The following HHAT variants were observed in gnomAD, a reference collection of about 807,000 sequenced individuals.
The protein encoded by HHAT is protein-cysteine N-palmitoyltransferase HHAT.
A neutral mutation model predicts 70.8 loss-of-function variants in HHAT; 47 were observed. That is an observed-to-expected ratio of 0.66 (90% CI 0.53 to 0.85). HHAT has a LOEUF of 0.85. Ranked by LOEUF, HHAT falls within the 40% of genes least tolerant of loss-of-function variation. The pLI, the probability that HHAT is intolerant of heterozygous loss-of-function variation, is 0.00. For synonymous variants in HHAT, 228 were observed against 247.6 expected, an observed-to-expected ratio of 0.92 and a Z score of 0.74; for missense variants, 609 against 604.8, an observed-to-expected ratio of 1.01 and a Z score of -0.07.
At chr1:210,421,289 A>G (rs2092895968) in intron 7 of HHAT, among the ~76,000 whole-genome samples, 1 of 152,190 alleles carries the variant, frequency 6.6e-6, no homozygotes, top group Non-Finnish European at 1.5e-5. Flanking sequence ...AAACAGGCAC[A>G]TAGATCAATA....
At position 210,328,939 on chromosome 1, in the gene HHAT, T is replaced by G. The variant is rs896117933; in HGVS notation, c.-209T>G. 92 of 1,116,464 alleles carry G rather than the reference T, an allele frequency of 8.2e-5. No homozygotes were observed. Among genetic ancestry groups the G allele is most frequent in the Non-Finnish European group, 1.0e-4 (90 of 871,830 alleles). 69.2% of individuals were successfully genotyped at this position (1,116,464 alleles called of 1,614,324 possible). A position where few individuals can be genotyped will look rare whatever the true frequency, so the allele number is the denominator to read the frequency against. Reference sequence around the variant, plus strand: ...AGGGGCGTGCTCGGAGGACGCGCGCTGCGCTGCTCCTCCAAAGGGCAGCTC... The same window carrying G: ...AGGGGCGTGCTCGGAGGACGCGCGCGGCGCTGCTCCTCCAAAGGGCAGCTC... On this transcript the variant is annotated 5_prime_UTR_variant, in exon 1 of 12. Transcript: ENST00000261458.
chr1:210,360,314 T>TTG (rs2088143925), intron 2 of HHAT, among the ~76,000 whole-genome samples: 2 of 151,314 alleles, frequency 1.3e-5, no homozygotes, highest in African/African-American at 4.9e-5. Context: ...GTTTTTTTTT[T>TTG]TTTGTTTTGT....
chr1:210,531,976 G>T (rs1449432148), intron 9 of HHAT, among the ~76,000 whole-genome samples: 1 of 152,194 alleles, frequency 6.6e-6, no homozygotes, highest in African/African-American at 2.4e-5. Context: ...CCAGGGGGAA[G>T]GTCCGACCTT....
intron 7 of HHAT, among the ~76,000 whole-genome samples, chr1:210,455,924 T>C (rs543305307): frequency 1.3e-5 from 2 of 152,290 alleles, no homozygotes; most frequent in African/African-American, 4.8e-5. Context: ...ATAAGGCCCA[T>C]GAGAGACGAG....
intron 8 of HHAT, among the ~76,000 whole-genome samples, chr1:210,483,526 C>A (rs2094430177): frequency 6.6e-6 from 1 of 152,130 alleles, no homozygotes; most frequent in Non-Finnish European, 1.5e-5. Flanking sequence ...CCAGCAGTTT[C>A]TTCCAGCTTT....
At chr1:210,342,374 ATCT>A (rs1430426590) in intron 1 of HHAT, among the ~76,000 whole-genome samples, 3 of 152,168 alleles carry the variant, frequency 2.0e-5, no homozygotes, top group African/African-American at 7.2e-5. Flanking sequence ...TCCACACTTT[ATCT>A]TCTTTACAGT....
At chr1:210,498,304 G>A (rs921541928) in intron 8 of HHAT, among the ~76,000 whole-genome samples, 10 of 152,246 alleles carry the variant, frequency 6.6e-5, no homozygotes, top group African/African-American at 1.4e-4. Context: ...CTCGAAGTAC[G>A]TGAAACTTAA....
At chr1:210,539,570 G>A (rs984545122) in intron 9 of HHAT, among the ~76,000 whole-genome samples, 2 of 152,210 alleles carry the variant, frequency 1.3e-5, no homozygotes, top group African/African-American at 4.8e-5. Flanking sequence ...CTTCTTCGAG[G>A]ATTTTGGGAT....
intron 10 of HHAT, among the ~76,000 whole-genome samples, chr1:210,620,439 A>G (rs1411084725): frequency 6.6e-6 from 1 of 151,980 alleles, no homozygotes; most frequent in Non-Finnish European, 1.5e-5. Flanking sequence ...GTTAGTTATT[A>G]CCCTCTTGTG....
intron 9 of HHAT, among the ~76,000 whole-genome samples, chr1:210,564,684 G>T (rs1425099066): frequency 6.6e-6 from 1 of 152,184 alleles, no homozygotes; most frequent in Non-Finnish European, 1.5e-5. Flanking sequence ...ATTATCTAAA[G>T]AGGAAAGTGG....
At chr1:210,590,206 T>C (rs577940588) in intron 10 of HHAT, 11 of 152,288 alleles carry the variant, frequency 7.2e-5, no homozygotes, top group African/African-American at 2.6e-4. Flanking sequence ...CTGTTTCTTA[T>C]GTAGTTCCAC....
At chr1:210,459,672 C>A (rs936844544) in intron 7 of HHAT, among the ~76,000 whole-genome samples, 2 of 152,346 alleles carry the variant, frequency 1.3e-5, no homozygotes, top group South Asian at 4.1e-4. Flanking sequence ...CACCCCAACT[C>A]TCCTTTTAAA....
At chr1:210,629,827 GT>G (rs11356413) in intron 11 of HHAT, among the ~76,000 whole-genome samples, 128,867 of 147,618 alleles carry the variant, frequency 0.87, 56,401 homozygotes, top group East Asian at 0.95. Flanking sequence ...TCCTGTTTCT[GT>G]TTTTTTTTTG....
At chr1:210,374,219 T>TA (rs2089951751) in intron 3 of HHAT, 7 of 152,076 alleles carry the variant, frequency 4.6e-5, no homozygotes, top group Admixed American at 3.9e-4. Flanking sequence ...TCCACGGAAA[T>TA]CTTTAGTAAA....
chr1:210,526,367 G>GTTTTGTTTTGTTTTGTTTTTTTTTTTT, intron 9 of HHAT, among the ~76,000 whole-genome samples: 17 of 142,420 alleles, frequency 1.2e-4, no homozygotes, highest in East Asian at 6.8e-4. Context: ...AGTGGGTTCT[G>GTTTTGTTTTGTTTTGTTTTTTTTTTTT]TTTTTTTTTT....
intron 8 of HHAT, among the ~76,000 whole-genome samples, chr1:210,480,228 G>T (rs1469627324): frequency 1.3e-5 from 2 of 152,180 alleles, no homozygotes; most frequent in Admixed American, 1.3e-4. Context: ...TGTGCTGGAG[G>T]TGAATCAGGA....
chr1:210,378,653 T>G (rs2090408368), intron 3 of HHAT, among the ~76,000 whole-genome samples: 1 of 152,178 alleles, frequency 6.6e-6, no homozygotes. Flanking sequence ...ATCCATCACC[T>G]GAAACATTTA....
chr1:210,511,470 C>G (rs549828615), intron 8 of HHAT, among the ~76,000 whole-genome samples: 2 of 152,198 alleles, frequency 1.3e-5, no homozygotes, highest in Non-Finnish European at 2.9e-5. Flanking sequence ...ATCTTAGTGT[C>G]AGTAATCACC....
At chr1:210,572,261 G>A (rs776265631) in intron 9 of HHAT, among the ~76,000 whole-genome samples, 17 of 152,270 alleles carry the variant, frequency 1.1e-4, no homozygotes, top group African/African-American at 2.9e-4. Flanking sequence ...GTCAGAGTGC[G>A]GATTTCAGTC....
Sources: gnomAD v4.1 joint callset for allele counts (sites outside exome capture counted in the v4.1 genomes callset) on GRCh38, gnomAD v4.1.1 for gene constraint, MANE v1.5 for transcripts, NCBI Gene and HGNC (gene_info 2026-07-23, HGNC 2026-07-21) for gene names.